STK35: variants seen among roughly 807,000 people sequenced by gnomAD.
STK35 encodes serine/threonine-protein kinase 35.
Under a neutral mutation model 37.3 loss-of-function variants are expected in STK35, and 17 were observed. The ratio of observed to expected loss-of-function variants is 0.46; its 90% CI spans 0.31 to 0.68. The LOEUF (loss-of-function observed/expected upper bound fraction) is 0.68, where lower values mean the gene tolerates loss of function less well. Ranked by LOEUF, STK35 falls within the 30% of genes least tolerant of loss-of-function variation. The pLI, the probability that STK35 is intolerant of heterozygous loss-of-function variation, is 0.05. For synonymous variants in STK35, 385 were observed against 319.1 expected (o/e 1.21, Z -2.20); for missense variants, 595 against 746.7 (o/e 0.80, Z 2.37).
chr20:2,103,561 A>G (rs927260295), intron 2 of STK35, among the ~76,000 whole-genome samples, 196 bp downstream of exon 2: 5 of 152,178 alleles, frequency 3.3e-5, no homozygotes, highest in Admixed American at 2.6e-4. Context: ...CCCTGGGCCT[A>G]AAGTTGGCTG....
chr20:2,110,856 C>T (rs1985603636), intron 2 of STK35, among the ~76,000 whole-genome samples: 1 of 152,218 alleles, frequency 6.6e-6, no homozygotes, highest in South Asian at 2.1e-4. Context: ...GATTTTGCTG[C>T]AGGCACTAAG....
intron 2 of STK35, among the ~76,000 whole-genome samples, chr20:2,105,574 ATTGT>A (rs1985498975): frequency 6.6e-6 from 1 of 152,138 alleles, no homozygotes; most frequent in South Asian, 2.1e-4. Flanking sequence ...CATGGAGCAA[ATTGT>A]TTGAACCCTG....
At chr20:2,102,674 G>A in intron 1 of STK35, 94 bp from the exon 2 acceptor site, 1 of 1,193,962 alleles carries the variant, frequency 8.4e-7, no homozygotes, top group Non-Finnish European at 1.1e-6. Context: ...AGGGGCCGCG[G>A]CGGCCGGGGG....
At chr20:2,109,341 T>G (rs1263020777) in intron 2 of STK35, among the ~76,000 whole-genome samples, 1 of 152,222 alleles carries the variant, frequency 6.6e-6, no homozygotes, top group Non-Finnish European at 1.5e-5. Context: ...CGGACTGCCA[T>G]GGATTAGGGG....
intron 3 of STK35, among the ~76,000 whole-genome samples, chr20:2,137,186 A>G (rs1048238871): frequency 1.3e-5 from 2 of 152,116 alleles, no homozygotes; most frequent in Non-Finnish European, 2.9e-5. Context: ...CCTCCTGTGC[A>G]CCTCACTCCA....
chr20:2,119,319 G>A (rs1332958754), intron 3 of STK35, among the ~76,000 whole-genome samples: 1 of 152,220 alleles, frequency 6.6e-6, no homozygotes, highest in Non-Finnish European at 1.5e-5. Context: ...CTCTGCGAAG[G>A]ACCTGAAACC....
At chr20:2,131,855 C>T (rs1986006713) in intron 3 of STK35, among the ~76,000 whole-genome samples, 1 of 152,146 alleles carries the variant, frequency 6.6e-6, no homozygotes, top group Non-Finnish European at 1.5e-5. Context: ...AAGCGCTGGG[C>T]TTACAAGCCT....
intron 3 of STK35, among the ~76,000 whole-genome samples, chr20:2,118,497 G>A (rs902535279): frequency 1.3e-5 from 2 of 152,126 alleles, no homozygotes; most frequent in African/African-American, 4.8e-5. Context: ...CAGGAGAATG[G>A]TGTGAACCCG....
intron 3 of STK35, among the ~76,000 whole-genome samples, chr20:2,139,624 C>T (rs942310113): frequency 3.3e-5 from 5 of 152,106 alleles, no homozygotes; most frequent in Admixed American, 6.5e-5. Flanking sequence ...ATCTCTAAGA[C>T]GAGGGGGACG....
chr20:2,104,154 T>G (rs565329278), intron 2 of STK35, among the ~76,000 whole-genome samples: 58 of 152,306 alleles, frequency 3.8e-4, no homozygotes, highest in African/African-American at 1.3e-3. Context: ...TATCTTAGTT[T>G]CCGGGTTTTA....
At position 2,107,679 on chromosome 20, in the gene STK35, A is replaced by C. The variant is rs888856772; in HGVS notation, c.892+4314A>C. Reference sequence around the variant, plus strand: ...GTATAGGATAGACCAGGGTCTTAGCAATAGATGGGTTGTCAGCCTGCAAAC... The same window carrying C: ...GTATAGGATAGACCAGGGTCTTAGCCATAGATGGGTTGTCAGCCTGCAAAC... On this transcript the variant is annotated intron_variant, in intron 2 of 3. Transcript: ENST00000381482. 3.9e-5 allele frequency among the ~76,000 whole-genome samples: 6 copies of C among 152,172 alleles called. 1 individual carries two copies. The highest frequency in any genetic ancestry group is 3.2e-3 in the Middle Eastern group (1 of 316).
chr20:2,114,972 T>G lies in STK35; in HGVS notation c.893-1694T>G, dbSNP rs9679963. On this transcript the variant is annotated intron_variant, in intron 2 of 3. Transcript: ENST00000381482. ...ATCTGGATTGACTTGGGCTTCAGAT[T>G]GATGCTTCATTGTGCAGTATTTTTA... 2.8e-3 allele frequency among the ~76,000 whole-genome samples: 434 copies of G among 152,318 alleles called. 2 individuals carry two copies. Among genetic ancestry groups the G allele is most frequent in the African/African-American group, 9.7e-3 (405 of 41,574 alleles).
intron 3 of STK35, among the ~76,000 whole-genome samples, chr20:2,128,492 G>C (rs1016330111): frequency 6.6e-6 from 1 of 152,116 alleles, no homozygotes; most frequent in African/African-American, 2.4e-5. Context: ...CTAGTTCCAT[G>C]GTGGATGTGG....
chr20:2,102,668 G>C (rs924909019), intron 1 of STK35, 100 bp from the exon 2 acceptor site: 4 of 1,164,742 alleles, frequency 3.4e-6, no homozygotes, highest in Admixed American at 4.0e-5. Flanking sequence ...TCTTAAAGGG[G>C]CCGCGGCGGC....
chr20:2,133,860 C>A (rs1430181579), intron 3 of STK35, among the ~76,000 whole-genome samples: 1 of 152,328 alleles, frequency 6.6e-6, no homozygotes, highest in South Asian at 2.1e-4. Flanking sequence ...CCCTGACTTT[C>A]TGGCACACTT....
intron 2 of STK35, among the ~76,000 whole-genome samples, chr20:2,110,049 C>CT (rs1985589014): frequency 6.6e-6 from 1 of 152,232 alleles, no homozygotes; most frequent in African/African-American, 2.4e-5. Flanking sequence ...TACCCAGCCT[C>CT]TTTATAATGA....
At chr20:2,136,778 A>T (rs1465851465) in intron 3 of STK35, among the ~76,000 whole-genome samples, 1 of 152,238 alleles carries the variant, frequency 6.6e-6, no homozygotes, top group Non-Finnish European at 1.5e-5. Context: ...TCTGTCCTGC[A>T]GGAAGCTCAG....
At chr20:2,120,531 G>C (rs1212021501) in intron 3 of STK35, among the ~76,000 whole-genome samples, 2 of 152,216 alleles carry the variant, frequency 1.3e-5, no homozygotes, top group African/African-American at 2.4e-5. Context: ...GCCAAACCCT[G>C]TGTTGCCAGA....
intron 2 of STK35, among the ~76,000 whole-genome samples, chr20:2,109,548 C>G (rs545861928): frequency 2.0e-5 from 3 of 152,318 alleles, no homozygotes; most frequent in African/African-American, 7.2e-5. Flanking sequence ...AGTTGCTTGT[C>G]CAGCACAACA....
Sources: gnomAD v4.1 joint callset for allele counts (sites outside exome capture counted in the v4.1 genomes callset) on GRCh38, gnomAD v4.1.1 for gene constraint, MANE v1.5 for transcripts, NCBI Gene and HGNC (gene_info 2026-07-23, HGNC 2026-07-21) for gene names.